The following FA2H variants were observed in gnomAD, a reference collection of about 807,000 sequenced individuals.
FA2H encodes the protein fatty acid alpha-hydroxylase.
A neutral mutation model predicts 44.9 loss-of-function variants in FA2H; 22 were observed. That is an observed-to-expected ratio of 0.49 (90% CI 0.35 to 0.70). The LOEUF is 0.70. Among genes scored for constraint, FA2H ranks in the 30% least tolerant of loss-of-function variants. The pLI is 0.01. For synonymous variants in FA2H, 243 were observed against 213.2 expected, an observed-to-expected ratio of 1.14 and a Z score of -1.22; for missense variants, 501 against 504.9, an observed-to-expected ratio of 0.99 and a Z score of 0.07.
intron 1 of FA2H, among the ~76,000 whole-genome samples, chr16:74,747,534 T>G (rs1962447924): frequency 6.6e-6 from 1 of 152,032 alleles, no homozygotes; most frequent in Admixed American, 6.6e-5. Context: ...GTGACCTTCT[T>G]TGGAAACAGG....
intron 1 of FA2H, among the ~76,000 whole-genome samples, chr16:74,760,728 C>A (rs1356711712): frequency 6.6e-6 from 1 of 152,230 alleles, no homozygotes; most frequent in Non-Finnish European, 1.5e-5. Flanking sequence ...GGCCTGACTT[C>A]AGCCCAGTCA....
At chr16:74,742,188 C>T (rs1362661810) in intron 1 of FA2H, among the ~76,000 whole-genome samples, 9 of 152,196 alleles carry the variant, frequency 5.9e-5, no homozygotes, top group African/African-American at 1.4e-4. Context: ...AAGCAGCCAA[C>T]GTCTTCCAAG....
chr16:74,724,382 T>C (rs936192428), intron 4 of FA2H, among the ~76,000 whole-genome samples: 1 of 152,230 alleles, frequency 6.6e-6, no homozygotes, highest in South Asian at 2.1e-4. Context: ...ATCCTGAGTA[T>C]GCAGCGCCGC....
intron 2 of FA2H, among the ~76,000 whole-genome samples, chr16:74,735,154 G>A (rs556037350): frequency 1.3e-4 from 20 of 152,346 alleles, no homozygotes; most frequent in Admixed American, 7.2e-4. Context: ...GCCTGGACTC[G>A]AGTGCCCCAC....
At chr16:74,773,593 AC>A (rs926299125) in intron 1 of FA2H, among the ~76,000 whole-genome samples, 5 of 152,086 alleles carry the variant, frequency 3.3e-5, no homozygotes, top group African/African-American at 9.7e-5. Flanking sequence ...CCACCCGAAG[AC>A]TTTTGGGATG....
At chr16:74,736,357 G>T (rs1210711183) in intron 2 of FA2H, among the ~76,000 whole-genome samples, 1 of 152,174 alleles carries the variant, frequency 6.6e-6, no homozygotes, top group Non-Finnish European at 1.5e-5. Context: ...GACTAGGCAG[G>T]CAGGGTGCCT....
At chr16:74,763,061 G>C (rs1462742396) in intron 1 of FA2H, among the ~76,000 whole-genome samples, 3 of 152,160 alleles carry the variant, frequency 2.0e-5, no homozygotes, top group Non-Finnish European at 4.4e-5. Context: ...GATTTATTCA[G>C]TCCAGCGAGG....
chr16:74,720,126 C>T (rs1250395881), intron 4 of FA2H, among the ~76,000 whole-genome samples: 1 of 142,182 alleles, frequency 7.0e-6, no homozygotes, highest in Non-Finnish European at 1.5e-5. Flanking sequence ...CATTCTTTGA[C>T]CTCATGGAGA....
At chr16:74,755,207 T>A (rs929396774) in intron 1 of FA2H, among the ~76,000 whole-genome samples, 5 of 146,646 alleles carry the variant, frequency 3.4e-5, no homozygotes, top group African/African-American at 1.3e-4. Flanking sequence ...GGGGATGGAG[T>A]CTTGCTCTGT....
At chr16:74,735,177 C>T (rs1025737408) in intron 2 of FA2H, among the ~76,000 whole-genome samples, 1 of 152,234 alleles carries the variant, frequency 6.6e-6, no homozygotes, top group Admixed American at 6.5e-5. Flanking sequence ...ACAGCCCAGG[C>T]TCGGCCAGGA....
At position 74,722,051 on chromosome 16, in the gene FA2H, G is replaced by T. The variant is rs564883392; in HGVS notation, c.614-2891C>A. ...ATGATTGAGGACGTGGAGGCCCAAA[G>T]TCCATGACTTGCCAGGCTCCCCCTG... On this transcript the variant is annotated intron_variant, in intron 4 of 6. Transcript: ENST00000219368. 2.3e-3 allele frequency among the ~76,000 whole-genome samples: 355 copies of T among 152,292 alleles called. 1 individual carries two copies. The highest frequency in any genetic ancestry group is 8.2e-3 in the African/African-American group (341 of 41,570).
chr16:74,731,995 C>T (rs2144623373), intron 2 of FA2H, among the ~76,000 whole-genome samples: 1 of 152,310 alleles, frequency 6.6e-6, no homozygotes, highest in Non-Finnish European at 1.5e-5. Flanking sequence ...ACCTCAGCTT[C>T]CCGAGTAGCT....
chr16:74,739,338 T>TCCCTCCAGTGACC (rs538749047), intron 2 of FA2H, among the ~76,000 whole-genome samples: 13 of 152,058 alleles, frequency 8.5e-5, no homozygotes, highest in Admixed American at 7.2e-4. Flanking sequence ...CAAGCCCAGC[T>TCCCTCCAGTGACC]CCCTCCAGTG....
At chr16:74,761,720 T>C (rs1050570690) in intron 1 of FA2H, among the ~76,000 whole-genome samples, 4 of 152,186 alleles carry the variant, frequency 2.6e-5, no homozygotes, top group Non-Finnish European at 5.9e-5. Context: ...CTCTCTTTGA[T>C]GGTTAGAGGG....
rs1053255779 is a variant in FA2H at position 74,741,036 on chromosome 16, C to T, written c.271-921G>A. ...TGCCCAAGTGGGCTCAAGGTTAAAT[C>T]GAACTCACAAAGAGGTAAAGTCAGA... On this transcript the variant is annotated intron_variant, in intron 1 of 6. Transcript: ENST00000219368. 5.9e-5 allele frequency among the ~76,000 whole-genome samples: 9 copies of T among 152,228 alleles called. No homozygotes were observed. The South Asian group carries it at 6.2e-4, about 11-fold the overall frequency.
At chr16:74,753,420 C>T (rs1024417839) in intron 1 of FA2H, among the ~76,000 whole-genome samples, 6 of 152,172 alleles carry the variant, frequency 3.9e-5, no homozygotes, top group African/African-American at 1.4e-4. Context: ...GGCGAGGTGG[C>T]TCATGCCTCC....
intron 4 of FA2H, 127 bp from the exon 5 acceptor site, chr16:74,719,287 G>A (rs1394907302): frequency 2.6e-6 from 2 of 775,072 alleles, no homozygotes; most frequent in Non-Finnish European, 2.1e-6. Flanking sequence ...TACAGGGCCA[G>A]GCCATACTGC....
chr16:74,745,364 T>C (rs1170922250), intron 1 of FA2H, among the ~76,000 whole-genome samples: 5 of 152,244 alleles, frequency 3.3e-5, no homozygotes, highest in Admixed American at 1.3e-4. Flanking sequence ...GAGTGATCCA[T>C]TAGCGAGCAG....
chr16:74,722,911 CAAAA>C (rs554074212), intron 4 of FA2H, among the ~76,000 whole-genome samples: 11,930 of 112,086 alleles, frequency 0.11, 655 homozygotes, highest in East Asian at 0.23. Context: ...AACTCCATCT[CAAAA>C]AAAAAAAAAA....
Sources: allele counts gnomAD v4.1 joint callset (sites outside exome capture counted in the v4.1 genomes callset), GRCh38; gene constraint gnomAD v4.1.1; transcripts MANE v1.5; gene names NCBI Gene and HGNC (gene_info 2026-07-23, HGNC 2026-07-21).